The following ETF1 variants were observed in gnomAD, a reference collection of about 807,000 sequenced individuals.
ETF1 encodes eukaryotic translation termination factor 1, also known as eukaryotic peptide chain release factor subunit 1.
Under a neutral mutation model 55.1 loss-of-function variants are expected in ETF1, and 4 were observed. The ratio of observed to expected loss-of-function variants is 0.07; its 90% CI spans 0.04 to 0.17. The LOEUF (loss-of-function observed/expected upper bound fraction) is 0.17, where lower values mean the gene tolerates loss of function less well. ETF1 is among the 10% of genes least tolerant of loss of function. The pLI is 1.00. For synonymous variants in ETF1, 157 were observed against 182.3 expected, an observed-to-expected ratio of 0.86 and a Z score of 1.12; for missense variants, 142 against 523.6, an observed-to-expected ratio of 0.27 and a Z score of 7.11.
intron 2 of ETF1, among the ~76,000 whole-genome samples, chr5:138,528,925 T>A (rs1307018990): frequency 6.6e-6 from 1 of 151,994 alleles, no homozygotes; most frequent in Non-Finnish European, 1.5e-5. Flanking sequence ...GACAGGTGGA[T>A]CACCTGTGGT....
At position 138,506,409 on chromosome 5, in the gene ETF1, A is replaced by C. The variant is rs948541897; in HGVS notation, c.*1896T>G. The C allele has an allele frequency of 6.5e-6, 1 of 152,682 alleles. No individual in the cohort carries two copies. The highest frequency in any genetic ancestry group is 2.4e-5 in the African/African-American group (1 of 41,470). 9.5% of individuals were successfully genotyped at this position (152,682 alleles called of 1,614,324 possible). A position where few individuals can be genotyped will look rare whatever the true frequency, so the allele number is the denominator to read the frequency against. The stretch of plus-strand genomic sequence containing the variant: ...CTGCATACCCTAAATGTATCATGTG[A>C]AACAACAAGCATATTCAAAAATGTA... On this transcript the variant is annotated 3_prime_UTR_variant, in exon 11 of 11. Transcript: ENST00000360541.
At chr5:138,513,120 G>T in intron 5 of ETF1, 166 bp from the exon 6 acceptor site, 1 of 985,324 alleles carries the variant, frequency 1.0e-6, no homozygotes, top group Non-Finnish European at 1.2e-6. Flanking sequence ...TTCAGAGAGC[G>T]ACTACTAAGT....
intron 2 of ETF1, among the ~76,000 whole-genome samples, chr5:138,534,550 T>A (rs1189663844): frequency 6.6e-6 from 1 of 152,218 alleles, no homozygotes; most frequent in African/African-American, 2.4e-5. Flanking sequence ...AGAATAAACA[T>A]GTTCAGTATC....
intron 4 of ETF1, among the ~76,000 whole-genome samples, chr5:138,514,940 C>A (rs1347167089): frequency 6.6e-6 from 1 of 151,904 alleles, no homozygotes; most frequent in African/African-American, 2.4e-5. Context: ...AAATTGTTAC[C>A]CATTCCATTT....
intron 8 of ETF1, 112 bp from the exon 9 acceptor site, chr5:138,510,741 C>T: frequency 7.1e-7 from 1 of 1,411,026 alleles, no homozygotes; most frequent in Non-Finnish European, 9.5e-7. Flanking sequence ...AATCTCTCAA[C>T]ATTTTTTCCA....
chr5:138,513,293 G>C (rs1244346002), intron 5 of ETF1: 3 of 805,568 alleles, frequency 3.7e-6, no homozygotes, highest in Non-Finnish European at 4.5e-6. Context: ...GTGCAGTGGC[G>C]CAATCTTGGC....
chr5:138,542,952 G>T lies in ETF1; in HGVS notation c.-18-16C>A. ...CTCCTCCTCCCTAGAGCGGCCCGGCGGGGCCCGGAGACACCAAGACCACAG... is the reference window on the plus strand; with the variant it reads ...CTCCTCCTCCCTAGAGCGGCCCGGCTGGGCCCGGAGACACCAAGACCACAG... On this transcript the variant is annotated splice_polypyrimidine_tract_variant and intron_variant, in intron 1 of 10. Coordinates refer to ENST00000360541, the MANE Select transcript of ETF1 (RefSeq NM_004730.4). The T allele has an allele frequency of 1.9e-6, 3 of 1,610,206 alleles. No individual in the cohort carries two copies. Among genetic ancestry groups the T allele is most frequent in the Non-Finnish European group, 2.5e-6 (3 of 1,178,312 alleles).
chr5:138,535,362 G>C (rs1323947652), intron 2 of ETF1, among the ~76,000 whole-genome samples: 1 of 151,304 alleles, frequency 6.6e-6, no homozygotes, highest in Non-Finnish European at 1.5e-5. Context: ...ACAGAGACTG[G>C]CTATGTTGCC....
intron 2 of ETF1, among the ~76,000 whole-genome samples, chr5:138,524,739 G>A (rs779264081): frequency 2.6e-5 from 4 of 151,656 alleles, no homozygotes; most frequent in Admixed American, 1.3e-4. Context: ...CATCACACCC[G>A]GCTAATTTTT....
chr5:138,513,538 A>C lies in ETF1; in HGVS notation c.541+30T>G, dbSNP rs1368185763. 3 of 1,541,938 alleles carry C rather than the reference A, an allele frequency of 1.9e-6. No individual in the cohort carries two copies. The African/African-American group carries it at 4.1e-5, about 21-fold the overall frequency. ...GTTTTCTTATTGCTAGACACAAAGT[A>C]AGTGGGTTCATGTTCTCCTCCTGTA... On this transcript the variant is annotated intron_variant, in intron 5 of 10. Transcript: ENST00000360541.
In ETF1 at chr5:138,526,652, T is replaced by A. The variant is rs1389174415; in HGVS notation, c.87-7785A>T. Among the ~76,000 whole-genome samples the A allele has an allele frequency of 2.0e-5, 3 of 152,018 alleles. No individual in the cohort carries two copies. The East Asian group carries it at 5.8e-4, about 29-fold the overall frequency. On this transcript the variant is annotated intron_variant, in intron 2 of 10. Transcript: ENST00000360541. Reference sequence around the variant, plus strand: ...CCCAGGTTTAAGCAATTCTCCTGCCTCAGCCTCTGGAGTAGCTGGGATTAC... The same window carrying A: ...CCCAGGTTTAAGCAATTCTCCTGCCACAGCCTCTGGAGTAGCTGGGATTAC...
chr5:138,527,561 A>G (rs1403093188), intron 2 of ETF1, among the ~76,000 whole-genome samples: 1 of 152,204 alleles, frequency 6.6e-6, no homozygotes, highest in African/African-American at 2.4e-5. Context: ...TTGCTTTGGA[A>G]GAGACTGGAA....
rs1420717934 is a variant in ETF1 at position 138,506,820 on chromosome 5, G to C, written c.*1485C>G. The C allele has an allele frequency of 6.6e-6, 1 of 152,650 alleles. No individual in the cohort carries two copies. Among genetic ancestry groups the C allele is most frequent in the African/African-American group, 2.4e-5 (1 of 41,466 alleles). The allele number at this position is 152,650 out of a possible 1,614,324, so 9.5% of individuals were successfully genotyped here. ...GGTTCAGACCAATAAAGCTACGAGT[G>C]ACTGAATCAAGTCAGTAAAGAACAG... On this transcript the variant is annotated 3_prime_UTR_variant, in exon 11 of 11. Transcript: ENST00000360541.
At chr5:138,524,477 C>G (rs1008737028) in intron 2 of ETF1, among the ~76,000 whole-genome samples, 1 of 151,350 alleles carries the variant, frequency 6.6e-6, no homozygotes, top group African/African-American at 2.4e-5. Flanking sequence ...TACCTAAGCC[C>G]TAGAGGTTGA....
chr5:138,515,536 T>C (rs1764982890), intron 4 of ETF1, among the ~76,000 whole-genome samples: 1 of 152,264 alleles, frequency 6.6e-6, no homozygotes, highest in African/African-American at 2.4e-5. Context: ...ATAAATCTGC[T>C]TATCAGGGAA....
rs1466085421 is a variant in ETF1 at position 138,513,541 on chromosome 5, T to C, written c.541+27A>G. On this transcript the variant is annotated intron_variant, in intron 5 of 10. Transcript: ENST00000360541. Reference sequence around the variant, plus strand: ...TTCTTATTGCTAGACACAAAGTAAGTGGGTTCATGTTCTCCTCCTGTATTA... The same window carrying C: ...TTCTTATTGCTAGACACAAAGTAAGCGGGTTCATGTTCTCCTCCTGTATTA... The C allele has an allele frequency of 4.5e-6, 7 of 1,550,392 alleles. No individual in the cohort carries two copies. The Admixed American group carries it at 1.0e-4, about 22-fold the overall frequency.
rs1764622011 is a variant in ETF1 at position 138,508,073 on chromosome 5, G to A, written c.*232C>T. The A allele has an allele frequency of 9.5e-6, 4 of 418,928 alleles. No homozygotes were observed. Among genetic ancestry groups the A allele is most frequent in the Admixed American group, 4.0e-5 (1 of 24,872 alleles). 26.0% of individuals were successfully genotyped at this position (418,928 alleles called of 1,614,324 possible). On this transcript the variant is annotated 3_prime_UTR_variant, in exon 11 of 11. Transcript: ENST00000360541. ...GGATTCTTTTTTAAATTAGTCCAAA[G>A]TGGCGTTTAGGAACTTAGTTGTAGG...
chr5:138,542,544 G>C (rs1766225072), intron 2 of ETF1: 4 of 1,144,478 alleles, frequency 3.5e-6, no homozygotes, highest in Non-Finnish European at 4.6e-6. Flanking sequence ...GGAGGACCTG[G>C]ACTTAAGGGC....
chr5:138,543,081 C>A lies in ETF1; in HGVS notation c.-19+16G>T, dbSNP rs997250414. The A allele has an allele frequency of 1.4e-6, 1 of 691,824 alleles. No homozygotes were observed. The highest frequency in any genetic ancestry group is 2.9e-5 in the Admixed American group (1 of 34,406). 42.9% of individuals were successfully genotyped at this position (691,824 alleles called of 1,614,324 possible). A position where few individuals can be genotyped will look rare whatever the true frequency, so the allele number is the denominator to read the frequency against. On this transcript the variant is annotated intron_variant, in intron 1 of 10. Coordinates refer to ENST00000360541, the MANE Select transcript of ETF1 (RefSeq NM_004730.4). ...TCGCCACAAAGGTCACCGGCCTTTC[C>A]CTCCCTGTGCCTTACCTAAGGGCCC...
Sources: gnomAD v4.1 joint callset for allele counts (sites outside exome capture counted in the v4.1 genomes callset) on GRCh38, gnomAD v4.1.1 for gene constraint, MANE v1.5 for transcripts, NCBI Gene and HGNC (gene_info 2026-07-23, HGNC 2026-07-21) for gene names.